C1orf21: variants seen among roughly 807,000 people sequenced by gnomAD.
The protein encoded by C1orf21 is uncharacterized protein C1orf21.
C1orf21 carries 3 observed loss-of-function variants against 18.7 expected under a neutral mutation model. That is an observed-to-expected ratio of 0.16 (90% CI 0.07 to 0.42). The LOEUF (loss-of-function observed/expected upper bound fraction) is 0.42. Among genes scored for constraint, C1orf21 ranks in the 10% least tolerant of loss-of-function variants. The pLI is 0.99. For missense variants in C1orf21, 104 were observed against 143.6 expected (o/e 0.72, Z 1.41); for synonymous variants, 41 against 46.4 (o/e 0.88, Z 0.47).
chr1:184,590,191 T>C (rs1480391350), intron 3 of C1orf21, among the ~76,000 whole-genome samples: 1 of 152,216 alleles, frequency 6.6e-6, no homozygotes, highest in Non-Finnish European at 1.5e-5. Context: ...TAGGTCAGGC[T>C]AAAAGCCAAA....
At chr1:184,510,805 G>A (rs901260191) in intron 3 of C1orf21, among the ~76,000 whole-genome samples, 9 of 152,312 alleles carry the variant, frequency 5.9e-5, no homozygotes, top group African/African-American at 2.2e-4. Context: ...GGTAGAATGG[G>A]ATTACAATTC....
chr1:184,521,274 C>A (rs534887031), intron 3 of C1orf21, among the ~76,000 whole-genome samples: 1 of 152,098 alleles, frequency 6.6e-6, no homozygotes, highest in African/African-American at 2.4e-5. Context: ...AATCGTGCTC[C>A]CAGGGTATTT....
intron 3 of C1orf21, among the ~76,000 whole-genome samples, chr1:184,575,589 T>G (rs1659173654): frequency 1.5e-5 from 2 of 135,834 alleles, no homozygotes; most frequent in Non-Finnish European, 3.1e-5. Flanking sequence ...TAAAACCCCC[T>G]GTATGTGAAA....
chr1:184,420,580 GGTAGGCTT>G (rs1656531220), intron 1 of C1orf21, among the ~76,000 whole-genome samples: 2 of 152,200 alleles, frequency 1.3e-5, no homozygotes, highest in Non-Finnish European at 2.9e-5. Context: ...TAAATAGTTT[GGTAGGCTT>G]GCCTTACTAT....
At chr1:184,435,051 G>T (rs775233873) in intron 1 of C1orf21, among the ~76,000 whole-genome samples, 2 of 152,214 alleles carry the variant, frequency 1.3e-5, no homozygotes, top group Non-Finnish European at 2.9e-5. Flanking sequence ...GAGCAATAGA[G>T]AAGGTGGGAG....
rs1196936299 is a variant in C1orf21, at chr1:184,387,093, CGCGGCCGCT to C, written c.-397_-389del. The C allele has an allele frequency of 2.0e-5, 3 of 151,554 alleles. No individual in the cohort carries two copies. The highest frequency in any genetic ancestry group is 2.9e-5 in the Non-Finnish European group (2 of 67,800). The allele number at this position is 151,554 out of a possible 1,614,324, so 9.4% of individuals were successfully genotyped here. On this transcript the variant is annotated 5_prime_UTR_variant, in exon 1 of 6. Coordinates refer to ENST00000235307, the MANE Select transcript of C1orf21 (RefSeq NM_030806.4). The surrounding 1 kb of genome is among the most constrained non-coding windows in gnomAD (Gnocchi z 5.6). Reference sequence around the variant, plus strand: ...GGGGGACGTTCCGTGCCGCGGCCGCCGCGGCCGCTGCTTCTTTCACACTTTAGTTGGGAG... The same window carrying C: ...GGGGGACGTTCCGTGCCGCGGCCGCCGCTTCTTTCACACTTTAGTTGGGAG...
intron 3 of C1orf21, among the ~76,000 whole-genome samples, chr1:184,547,533 A>G (rs540831144): frequency 6.6e-6 from 1 of 151,188 alleles, no homozygotes; most frequent in East Asian, 2.0e-4. Flanking sequence ...GAGGAAATCT[A>G]GGAAATCACA....
chr1:184,405,133 G>A (rs968259458), intron 1 of C1orf21, among the ~76,000 whole-genome samples: 2 of 152,030 alleles, frequency 1.3e-5, no homozygotes, highest in Admixed American at 6.6e-5. Context: ...CAAATGAAAC[G>A]TTCCCTGGTC....
In C1orf21 at chr1:184,627,228, A is replaced by G. The variant is rs1486774766; in HGVS notation, c.*7672A>G. On this transcript the variant is annotated 3_prime_UTR_variant, in exon 6 of 6. Coordinates refer to ENST00000235307, the MANE Select transcript of C1orf21 (RefSeq NM_030806.4). ...GCTCAGAGACAAGCAGAATCTCTCT[A>G]TGGAGACAACTTGCAGTGCCTTTTA... is the stretch of plus-strand genomic sequence containing the variant. 6.6e-6 allele frequency: 1 copy of G among 152,250 alleles called. No homozygotes were observed. Among genetic ancestry groups the G allele is most frequent in the Non-Finnish European group, 1.5e-5 (1 of 68,032 alleles). 9.4% of individuals were successfully genotyped at this position (152,250 alleles called of 1,614,324 possible).
At chr1:184,413,147 G>C (rs889385024) in intron 1 of C1orf21, among the ~76,000 whole-genome samples, 1 of 152,212 alleles carries the variant, frequency 6.6e-6, no homozygotes, top group African/African-American at 2.4e-5. Context: ...GTGGACACCT[G>C]TTGCTGTGGT....
rs140224731 is a variant in C1orf21, at chr1:184,593,768, A to G, written c.266+2953A>G. On this transcript the variant is annotated intron_variant, in intron 4 of 5. Coordinates refer to ENST00000235307, the MANE Select transcript of C1orf21 (RefSeq NM_030806.4). ...GGAGGTTGCGTGAATGCACCACACT[A>G]TAGTCACACAATGGGATATTAGTCA... 7.2e-5 allele frequency among the ~76,000 whole-genome samples: 11 copies of G among 152,334 alleles called. No homozygotes were observed. The East Asian group carries it at 7.7e-4, about 11-fold the overall frequency.
At chr1:184,528,937 G>A (rs1658417285) in intron 3 of C1orf21, among the ~76,000 whole-genome samples, 2 of 152,026 alleles carry the variant, frequency 1.3e-5, no homozygotes, top group African/African-American at 4.8e-5. Flanking sequence ...CCAGGAATGG[G>A]ATCATTGGAT....
intron 5 of C1orf21, among the ~76,000 whole-genome samples, chr1:184,602,734 A>G (rs963567858): frequency 3.9e-5 from 6 of 152,214 alleles, no homozygotes; most frequent in Non-Finnish European, 7.3e-5. Flanking sequence ...GCTTTCCACT[A>G]TACATTCCAG....
At chr1:184,532,052 T>C (rs1658469885) in intron 3 of C1orf21, among the ~76,000 whole-genome samples, 1 of 152,118 alleles carries the variant, frequency 6.6e-6, no homozygotes. Context: ...GTTTTTTTTT[T>C]TAATTTAGGG....
intron 1 of C1orf21, among the ~76,000 whole-genome samples, chr1:184,417,181 G>A (rs1656466432): frequency 6.6e-6 from 1 of 152,172 alleles, no homozygotes; most frequent in Non-Finnish European, 1.5e-5. Flanking sequence ...TGTAGGCAAG[G>A]CAGGACATGC....
chr1:184,505,324 T>C (rs181263921), intron 2 of C1orf21, among the ~76,000 whole-genome samples: 10 of 130,724 alleles, frequency 7.6e-5, no homozygotes, highest in African/African-American at 3.5e-4. Context: ...TATATATATA[T>C]ATATATATAT....
intron 5 of C1orf21, among the ~76,000 whole-genome samples, chr1:184,613,292 A>T (rs904369421): frequency 6.6e-6 from 1 of 152,250 alleles, no homozygotes; most frequent in Non-Finnish European, 1.5e-5. Context: ...TGTAGAGTTC[A>T]GTACTCTCTG....
At chr1:184,577,951 T>G (rs1026238918) in intron 3 of C1orf21, among the ~76,000 whole-genome samples, 4 of 116,020 alleles carry the variant, frequency 3.4e-5, no homozygotes, top group Non-Finnish European at 6.8e-5. Context: ...TGTTTTGTTT[T>G]TGTTTTTTTT....
chr1:184,477,272 G>A (rs1052239535), intron 1 of C1orf21, 114 bp from the exon 2 acceptor site: 9 of 425,312 alleles, frequency 2.1e-5, no homozygotes, highest in Non-Finnish European at 2.5e-5. Context: ...CCAGTGCGAT[G>A]GGTGGGTCTG....
Sources: allele counts gnomAD v4.1 joint callset (sites outside exome capture counted in the v4.1 genomes callset), GRCh38; gene constraint gnomAD v4.1.1; non-coding constraint Gnocchi (gnomAD v3.1); transcripts MANE v1.5; gene names NCBI Gene and HGNC (gene_info 2026-07-23, HGNC 2026-07-21).